Variants in SPOPL observed in about 807,000 individuals in gnomAD.
The protein encoded by SPOPL is speckle type BTB/POZ protein like.
In SPOPL, 23 loss-of-function variants were observed where a neutral mutation model predicts 53.8. That is an observed-to-expected ratio of 0.43 (90% CI 0.31 to 0.61). The LOEUF is 0.61. Among genes scored for constraint, SPOPL ranks in the 20% least tolerant of loss-of-function variants. The probability of loss-of-function intolerance (pLI) is 0.12; values close to 1 mark genes in which losing one functional copy is unlikely to be tolerated. For synonymous variants in SPOPL, 164 were observed against 149.7 expected, an observed-to-expected ratio of 1.10 and a Z score of -0.70; for missense variants, 442 against 466.9, an observed-to-expected ratio of 0.95 and a Z score of 0.49.
chr2:138,523,124 C>A (rs1326341579), intron 1 of SPOPL, among the ~76,000 whole-genome samples: 1 of 152,140 alleles, frequency 6.6e-6, no homozygotes, highest in Non-Finnish European at 1.5e-5. Context: ...TGAGACCGGG[C>A]AGTTTACAAA....
At chr2:138,523,183 C>T (rs1268016256) in intron 1 of SPOPL, among the ~76,000 whole-genome samples, 1 of 152,168 alleles carries the variant, frequency 6.6e-6, no homozygotes, top group Non-Finnish European at 1.5e-5. Flanking sequence ...GGAAGCCTCA[C>T]AATCGTGGCA....
chr2:138,517,818 G>A (rs564457529), intron 1 of SPOPL, among the ~76,000 whole-genome samples: 5 of 151,784 alleles, frequency 3.3e-5, no homozygotes, highest in South Asian at 2.1e-4. Context: ...AGGCCGAGGC[G>A]GGCGGATCAC....
At chr2:138,529,514 G>C (rs1558867494) in intron 1 of SPOPL, among the ~76,000 whole-genome samples, 1 of 147,138 alleles carries the variant, frequency 6.8e-6, no homozygotes, top group East Asian at 1.9e-4. Context: ...GTGTGTGTGT[G>C]TGTGTGTGTG....
At chr2:138,531,411 T>C (rs1684806770) in intron 1 of SPOPL, among the ~76,000 whole-genome samples, 1 of 152,132 alleles carries the variant, frequency 6.6e-6, no homozygotes, top group Admixed American at 6.5e-5. Context: ...GTTTTTACAT[T>C]ACTGTTGGCA....
At chr2:138,515,422 C>T (rs994273200) in intron 1 of SPOPL, among the ~76,000 whole-genome samples, 43 of 152,172 alleles carry the variant, frequency 2.8e-4, no homozygotes, top group African/African-American at 9.9e-4. Flanking sequence ...AGATCTTTCT[C>T]AATTTTCAGA....
At chr2:138,540,047 G>A (rs145386329) in intron 1 of SPOPL, among the ~76,000 whole-genome samples, 5,158 of 152,274 alleles carry the variant, frequency 0.034, 127 homozygotes, top group Middle Eastern at 0.061. Context: ...TCAAAGATCA[G>A]ATGGTTGTAG....
chr2:138,513,148 T>G (rs1223815318), intron 1 of SPOPL, among the ~76,000 whole-genome samples: 2 of 152,260 alleles, frequency 1.3e-5, no homozygotes, highest in African/African-American at 4.8e-5. Context: ...GAGGCCATGA[T>G]GGCTCACGCC....
chr2:138,571,882 T>A lies in SPOPL; in HGVS notation c.*2802T>A, dbSNP rs1685790187. ...TTTTTAATTTTAATGTGTGTTGATATTTGGAGCACAAATAATGAAGGTGCC... is the reference window on the plus strand; with the variant it reads ...TTTTTAATTTTAATGTGTGTTGATAATTGGAGCACAAATAATGAAGGTGCC... On this transcript the variant is annotated 3_prime_UTR_variant, in exon 11 of 11. Transcript: ENST00000280098. The A allele has an allele frequency of 6.6e-6, 1 of 152,616 alleles. No homozygotes were observed. Among genetic ancestry groups the A allele is most frequent in the Non-Finnish European group, 1.5e-5 (1 of 68,028 alleles). 9.5% of individuals were successfully genotyped at this position (152,616 alleles called of 1,614,324 possible).
In SPOPL at chr2:138,540,376, G is replaced by A. The variant is rs1276052724; in HGVS notation, c.-60-9781G>A. Reference sequence around the variant, plus strand: ...CACGATACTGATTCTTCCTACCCATGAGCATGGAATGTTCTTCCATTTGTT... The same window carrying A: ...CACGATACTGATTCTTCCTACCCATAAGCATGGAATGTTCTTCCATTTGTT... On this transcript the variant is annotated intron_variant, in intron 1 of 10. Transcript: ENST00000280098. 3.3e-5 allele frequency among the ~76,000 whole-genome samples: 5 copies of A among 152,194 alleles called. No individual in the cohort carries two copies. The East Asian group carries it at 9.6e-4, about 29-fold the overall frequency.
At chr2:138,527,366 C>T (rs1231153051) in intron 1 of SPOPL, among the ~76,000 whole-genome samples, 1 of 152,184 alleles carries the variant, frequency 6.6e-6, no homozygotes, top group African/African-American at 2.4e-5. Flanking sequence ...CCTCGTCAAT[C>T]TGACCCACAG....
At chr2:138,532,474 T>TAG (rs1385344335) in intron 1 of SPOPL, among the ~76,000 whole-genome samples, 1 of 137,906 alleles carries the variant, frequency 7.3e-6, no homozygotes, top group East Asian at 2.4e-4. Flanking sequence ...TCGCTCAGGC[T>TAG]AGAGTGCAGT....
intron 1 of SPOPL, among the ~76,000 whole-genome samples, chr2:138,518,999 C>T (rs923141878): frequency 3.3e-5 from 5 of 152,144 alleles, no homozygotes; most frequent in African/African-American, 1.2e-4. Flanking sequence ...TCTGTACATT[C>T]CCATTCAATA....
intron 1 of SPOPL, among the ~76,000 whole-genome samples, chr2:138,503,303 G>C (rs763888137): frequency 1.3e-5 from 2 of 152,156 alleles, no homozygotes; most frequent in Non-Finnish European, 2.9e-5. Context: ...CTTCGCCTCA[G>C]TATACTTACA....
Position 138,560,840 on chromosome 2 carries a change from T to C in SPOPL, c.750T>C (p.Val250=), listed in dbSNP as rs1685530515. ...AAATAAATGATTTAGACCCTGAAGTTTTTAAAGAAATGATGAGATTCATTT... is the reference window on the plus strand; with the variant it reads ...AAATAAATGATTTAGACCCTGAAGTCTTTAAAGAAATGATGAGATTCATTT... ...RVEINDLDPE[V]FKEMMRFIYT... The change falls in exon 8 of 11, where the codon GTT becomes GTC. Residue 250 remains valine (V), a synonymous_variant. Coordinates refer to ENST00000280098, the MANE Select transcript of SPOPL (RefSeq NM_001001664.3). The C allele has an allele frequency of 6.2e-7, 1 of 1,608,704 alleles. No homozygotes were observed. Among genetic ancestry groups the C allele is most frequent in the Non-Finnish European group, 8.5e-7 (1 of 1,178,726 alleles).
At chr2:138,562,711 G>A (rs1049328367) in intron 8 of SPOPL, among the ~76,000 whole-genome samples, 1 of 149,042 alleles carries the variant, frequency 6.7e-6, no homozygotes, top group Non-Finnish European at 1.5e-5. Context: ...TTGAACCCAG[G>A]AGGCAGAGGT....
intron 7 of SPOPL, among the ~76,000 whole-genome samples, chr2:138,560,554 T>TG (rs1210984657): frequency 2.0e-5 from 3 of 152,088 alleles, no homozygotes; most frequent in Non-Finnish European, 4.4e-5. Flanking sequence ...CAGCTGGTCA[T>TG]GGTTCCCACC....
intron 5 of SPOPL, among the ~76,000 whole-genome samples, chr2:138,557,402 TTAGAAG>T (rs1322811816): frequency 3.3e-5 from 5 of 152,216 alleles, no homozygotes; most frequent in Admixed American, 1.3e-4. Flanking sequence ...TAGTTTTTCT[TTAGAAG>T]TGTGTATTCA....
chr2:138,569,245 A>G lies in SPOPL; in HGVS notation c.*165A>G. The G allele has an allele frequency of 1.4e-6, 1 of 731,598 alleles. No homozygotes were observed. The highest frequency in any genetic ancestry group is 2.2e-6 in the Non-Finnish European group (1 of 445,592). 45.3% of individuals were successfully genotyped at this position (731,598 alleles called of 1,614,324 possible). On this transcript the variant is annotated 3_prime_UTR_variant, in exon 11 of 11. Coordinates refer to ENST00000280098, the MANE Select transcript of SPOPL (RefSeq NM_001001664.3). ...ATTTCAGGTGGATAATTTATGGTTT[A>G]TTCTTCAGCTTTAAATTAGACTGAT...
intron 8 of SPOPL, among the ~76,000 whole-genome samples, chr2:138,561,653 T>A (rs558733038): frequency 6.6e-6 from 1 of 152,196 alleles, no homozygotes; most frequent in Admixed American, 6.5e-5. Context: ...AATCTATGAC[T>A]GTCTCAATAA....
Sources: allele counts gnomAD v4.1 joint callset (sites outside exome capture counted in the v4.1 genomes callset), GRCh38; gene constraint gnomAD v4.1.1; transcripts MANE v1.5; gene names NCBI Gene and HGNC (gene_info 2026-07-23, HGNC 2026-07-21).